Variants in LRRC31 observed in about 807,000 individuals in gnomAD.
LRRC31 encodes the protein leucine-rich repeat-containing protein 31.
LRRC31 carries 35 observed loss-of-function variants against 46.7 expected under a neutral mutation model. The ratio of observed to expected loss-of-function variants is 0.75; its 90% CI spans 0.57 to 0.99. LRRC31 has a LOEUF of 0.99. LRRC31 is among the 50% of genes least tolerant of loss of function. The pLI is 0.00. For missense variants in LRRC31, 613 were observed against 626.1 expected, an observed-to-expected ratio of 0.98 and a Z score of 0.22; for synonymous variants, 236 against 235.1, an observed-to-expected ratio of 1.00 and a Z score of -0.03.
At chr3:169,852,402 C>CAAAAAAA (rs11344242) in intron 6 of LRRC31, among the ~76,000 whole-genome samples, 3 of 88,482 alleles carry the variant, frequency 3.4e-5, no homozygotes, top group East Asian at 2.5e-4. Flanking sequence ...GACTCCGTCT[C>CAAAAAAA]AAAAAAAAAA....
chr3:169,867,498 A>G (rs1292924576), intron 1 of LRRC31, among the ~76,000 whole-genome samples: 1 of 151,930 alleles, frequency 6.6e-6, no homozygotes, highest in Non-Finnish European at 1.5e-5. Context: ...ACCTCATGAT[A>G]TGCCTGCCTC....
intron 7 of LRRC31, among the ~76,000 whole-genome samples, chr3:169,850,031 G>A (rs777583102): frequency 2.0e-5 from 3 of 152,072 alleles, no homozygotes; most frequent in Non-Finnish European, 4.4e-5. Context: ...GGTGCTTCCT[G>A]GATAATGCTA....
At chr3:169,850,491 G>T (rs1780725430) in intron 7 of LRRC31, among the ~76,000 whole-genome samples, 1 of 152,204 alleles carries the variant, frequency 6.6e-6, no homozygotes, top group Non-Finnish European at 1.5e-5. Flanking sequence ...ATGCTTGAAG[G>T]GGTGCCTGTG....
At chr3:169,841,439 C>A (rs1282462995) in intron 8 of LRRC31, among the ~76,000 whole-genome samples, 2 of 152,214 alleles carry the variant, frequency 1.3e-5, no homozygotes, top group Non-Finnish European at 2.9e-5. Context: ...CAGTTTGATT[C>A]CACAGTGAAT....
chr3:169,851,762 T>C lies in LRRC31; in HGVS notation c.1016A>G (p.Asn339Ser), dbSNP rs371756656. ...GGCTGATAAATCCAATTCTTGAAGA[T>C]TTGAAAGTAAAGGAATGACCTGGGC... ...SLTQVIPLLSNLQELDLSANK... is the reference protein window; with the variant it reads ...SLTQVIPLLSSLQELDLSANK... Residue 339 changes from asparagine to serine, a missense_variant, in exon 7 of 9, where the codon AAT becomes AGT. Coordinates refer to ENST00000316428, the MANE Select transcript of LRRC31 (RefSeq NM_024727.4). 2 of 1,614,154 alleles carry C rather than the reference T, an allele frequency of 1.2e-6. No homozygotes were observed. The highest frequency in any genetic ancestry group is 1.7e-5 in the Admixed American group (1 of 60,024).
chr3:169,857,317 C>CATATATATATATAT (rs1560629829), intron 3 of LRRC31, among the ~76,000 whole-genome samples: 12 of 55,590 alleles, frequency 2.2e-4, no homozygotes, highest in African/African-American at 7.1e-4. Context: ...ATATCACATG[C>CATATATATATATAT]CTATATATAT....
chr3:169,865,166 T>C (rs1189832304), intron 1 of LRRC31, among the ~76,000 whole-genome samples: 19 of 148,016 alleles, frequency 1.3e-4, no homozygotes, highest in Non-Finnish European at 2.8e-4. Flanking sequence ...CACAAGAATC[T>C]CTTGAACCCG....
chr3:169,848,357 G>A, intron 7 of LRRC31, 70 bp from the exon 8 acceptor site: 1 of 1,446,114 alleles, frequency 6.9e-7, no homozygotes, highest in Non-Finnish European at 9.5e-7. Context: ...TGGATTTGAG[G>A]AAACTGGTCT....
chr3:169,845,803 T>C (rs1276526530), intron 8 of LRRC31, among the ~76,000 whole-genome samples: 1 of 151,406 alleles, frequency 6.6e-6, no homozygotes, highest in African/African-American at 2.4e-5. Flanking sequence ...CAAAACGCTC[T>C]AAGATGCAAC....
chr3:169,851,157 C>A (rs990680602), intron 7 of LRRC31, among the ~76,000 whole-genome samples: 2 of 152,068 alleles, frequency 1.3e-5, no homozygotes, highest in Non-Finnish European at 2.9e-5. Context: ...CTCACCATGT[C>A]CTGCAGGTGG....
At chr3:169,846,312 T>C (rs1780602350) in intron 8 of LRRC31, among the ~76,000 whole-genome samples, 2 of 152,218 alleles carry the variant, frequency 1.3e-5, no homozygotes, top group Admixed American at 1.3e-4. Context: ...CAGGAAACAC[T>C]AGGTGAACAT....
rs749289736 is a variant in LRRC31, at chr3:169,861,725, G to T, written c.264C>A (p.Asn88Lys). The T allele has an allele frequency of 6.2e-7, 1 of 1,614,148 alleles. No homozygotes were observed. Among genetic ancestry groups the T allele is most frequent in the Non-Finnish European group, 8.5e-7 (1 of 1,180,022 alleles). ...CACAGTTATTCAAATCTAGACACTTGTTGACAGCCTTTTTGCCCAGCTTCT... is the reference window on the plus strand; with the variant it reads ...CACAGTTATTCAAATCTAGACACTTTTTGACAGCCTTTTTGCCCAGCTTCT... The part of the protein sequence containing the change: ...FLQKLGKKAV[N>K]KCLDLNNCGL... The change falls in exon 2 of 9, where the codon AAC becomes AAA. Residue 88 changes from asparagine to lysine, a missense_variant. Transcript: ENST00000316428.
intron 8 of LRRC31, among the ~76,000 whole-genome samples, chr3:169,841,765 G>A (rs1780456519): frequency 6.6e-6 from 1 of 152,006 alleles, no homozygotes; most frequent in Non-Finnish European, 1.5e-5. Context: ...ACACATTTTA[G>A]GCTGGGTGTG....
chr3:169,847,280 G>A (rs991105788), intron 8 of LRRC31, among the ~76,000 whole-genome samples: 1 of 152,230 alleles, frequency 6.6e-6, no homozygotes, highest in Non-Finnish European at 1.5e-5. Context: ...CGGCCGCCCA[G>A]GTTCAAGTGA....
chr3:169,849,284 C>T (rs1428793416), intron 7 of LRRC31, among the ~76,000 whole-genome samples: 1 of 152,004 alleles, frequency 6.6e-6, no homozygotes, highest in African/African-American at 2.4e-5. Flanking sequence ...ACTTTTTCTT[C>T]TAAAAGTGAT....
chr3:169,848,459 T>C (rs11717389), intron 7 of LRRC31, among the ~76,000 whole-genome samples, 172 bp from the exon 8 acceptor site: 39,228 of 151,926 alleles, frequency 0.26, 5,679 homozygotes, highest in East Asian at 0.62. Context: ...TGTTGTCTGT[T>C]TTTTGTTTTT....
At chr3:169,863,778 C>T (rs1250504814) in intron 1 of LRRC31, among the ~76,000 whole-genome samples, 1 of 152,150 alleles carries the variant, frequency 6.6e-6, no homozygotes, top group Non-Finnish European at 1.5e-5. Context: ...TTGTATGCCT[C>T]AACTGTTGCA....
rs1324128884 is a variant in LRRC31, at chr3:169,867,038, G to GTTTTTTTTTTTT, written c.175+2594_175+2595insAAAAAAAAAAAA. On this transcript the variant is annotated intron_variant, in intron 1 of 8. Transcript: ENST00000316428. ...GTCTCAGAAAGAAAATTGGCCATGG[G>GTTTTTTTTTTTT]TTTTTTTTGTTTGTTTGTTTGTTTT... is the stretch of plus-strand genomic sequence containing the variant. Among the ~76,000 whole-genome samples the GTTTTTTTTTTTT allele has an allele frequency of 6.1e-4, 77 of 126,316 alleles. 14 individuals are homozygous for GTTTTTTTTTTTT. Among genetic ancestry groups the GTTTTTTTTTTTT allele is most frequent in the African/African-American group, 3.3e-3 (73 of 22,232 alleles). 82.9% of individuals were successfully genotyped at this position (126,316 alleles called of 152,430 possible).
intron 7 of LRRC31, 40 bp from the exon 8 acceptor site, chr3:169,848,327 T>A (rs774246874): frequency 1.3e-6 from 2 of 1,586,758 alleles, no homozygotes; most frequent in Admixed American, 3.4e-5. Flanking sequence ...AATTTAGGAT[T>A]TCTTACAGAT....
Sources: allele counts gnomAD v4.1 joint callset (sites outside exome capture counted in the v4.1 genomes callset), GRCh38; gene constraint gnomAD v4.1.1; transcripts MANE v1.5; gene names NCBI Gene and HGNC (gene_info 2026-07-23, HGNC 2026-07-21).